RHBDL2: variants seen among roughly 807,000 people sequenced by gnomAD.
RHBDL2 encodes rhomboid like 2.
Under a neutral mutation model 31.7 loss-of-function variants are expected in RHBDL2, and 26 were observed. The observed-to-expected ratio is 0.82, with a 90% CI of 0.60 to 1.14. The LOEUF (loss-of-function observed/expected upper bound fraction) is 1.14, where lower values mean the gene tolerates loss of function less well. Among genes scored for constraint, RHBDL2 ranks in the 50% most tolerant of loss-of-function variants. The pLI is 0.00. For missense variants in RHBDL2, 336 were observed against 364.4 expected (o/e 0.92, Z 0.63); for synonymous variants, 123 against 127.2 (o/e 0.97, Z 0.22).
At chr1:38,918,240 A>C (rs931626250) in intron 2 of RHBDL2, among the ~76,000 whole-genome samples, 1 of 152,220 alleles carries the variant, frequency 6.6e-6, no homozygotes, top group African/African-American at 2.4e-5. Flanking sequence ...AAGCTGAGGC[A>C]TCAGTGCATC....
chr1:38,904,888 G>A lies in RHBDL2; in HGVS notation c.508+6434C>T, dbSNP rs911805116. 1.3e-4 allele frequency among the ~76,000 whole-genome samples: 20 copies of A among 148,960 alleles called. 1 individual carries two copies. In the South Asian group the frequency reaches 2.7e-3, roughly 20 times the overall value. On this transcript the variant is annotated intron_variant, in intron 4 of 7. Transcript: ENST00000372990. ...CTACTAAAAATACAAAAAATTAGCC[G>A]GGCGTGGTAGCGGGCGCCTGTAGTC... is the stretch of plus-strand genomic sequence containing the variant.
intron 7 of RHBDL2, 108 bp from the exon 8 acceptor site, chr1:38,886,791 G>A (rs961944584): frequency 1.0e-5 from 9 of 871,428 alleles, no homozygotes; most frequent in Non-Finnish European, 1.5e-5. Context: ...TTAAACAAGA[G>A]TCTTAAAGGT....
intron 5 of RHBDL2, among the ~76,000 whole-genome samples, chr1:38,895,431 G>A (rs1365723626): frequency 2.6e-5 from 4 of 152,174 alleles, no homozygotes; most frequent in Non-Finnish European, 5.9e-5. Context: ...ATACTATATT[G>A]AGGACCTTAA....
rs184303109 is a variant in RHBDL2, at chr1:38,928,777, T to C, written c.-125-9440A>G. 1.2e-4 allele frequency among the ~76,000 whole-genome samples: 18 copies of C among 152,114 alleles called. No homozygotes were observed. The East Asian group carries it at 3.5e-3, about 30-fold the overall frequency. Reference sequence around the variant, plus strand: ...AAAAAAAATTTTAAATAAAAAATAATGGGCCAGGCATGGTGGCTCATGCCT... The same window carrying C: ...AAAAAAAATTTTAAATAAAAAATAACGGGCCAGGCATGGTGGCTCATGCCT... On this transcript the variant is annotated intron_variant, in intron 1 of 7. Coordinates refer to ENST00000372990, the MANE Select transcript of RHBDL2 (RefSeq NM_017821.5).
intron 6 of RHBDL2, among the ~76,000 whole-genome samples, chr1:38,889,239 A>G (rs778211007): frequency 6.6e-6 from 1 of 152,088 alleles, no homozygotes; most frequent in Non-Finnish European, 1.5e-5. Flanking sequence ...GATTACAGAC[A>G]TGTGCCACTA....
chr1:38,919,306 T>C lies in RHBDL2; in HGVS notation c.-94A>G. 2 of 1,606,142 alleles carry C rather than the reference T, an allele frequency of 1.2e-6. No individual in the cohort carries two copies. Among genetic ancestry groups the C allele is most frequent in the Non-Finnish European group, 1.7e-6 (2 of 1,177,992 alleles). ...CAGGCTGCCGCTCTTCCCTGGGCTG[T>C]CTGGCGCAACGACTGCTTTCCAAGG... On this transcript the variant is annotated 5_prime_UTR_variant, in exon 2 of 8. Transcript: ENST00000372990.
chr1:38,916,970 G>A (rs1379038631), intron 2 of RHBDL2, among the ~76,000 whole-genome samples: 1 of 150,802 alleles, frequency 6.6e-6, no homozygotes, highest in Non-Finnish European at 1.5e-5. Context: ...TGGAAATGTA[G>A]GATATAAACA....
chr1:38,920,857 C>T lies in RHBDL2; in HGVS notation c.-125-1520G>A, dbSNP rs1294598303. Among the ~76,000 whole-genome samples, 15 of 151,474 alleles carry T rather than the reference C, an allele frequency of 9.9e-5. 1 individual carries two copies. Among genetic ancestry groups the T allele is most frequent in the African/African-American group, 1.9e-4 (8 of 41,238 alleles). ...GTCTCGATCTCCTGACCTCGTGATC[C>T]GCCCGCCTCGGCCTCCCAAAGTGCT... On this transcript the variant is annotated intron_variant, in intron 1 of 7. Coordinates refer to ENST00000372990, the MANE Select transcript of RHBDL2 (RefSeq NM_017821.5).
At chr1:38,901,237 C>T (rs1642984506) in intron 4 of RHBDL2, among the ~76,000 whole-genome samples, 1 of 150,998 alleles carries the variant, frequency 6.6e-6, no homozygotes, top group Non-Finnish European at 1.5e-5. Flanking sequence ...ACAAGGCAGG[C>T]AGATCTCCTG....
At chr1:38,912,883 C>CAT (rs141150431) in intron 3 of RHBDL2, among the ~76,000 whole-genome samples, 2,937 of 106,208 alleles carry the variant, frequency 0.028, 91 homozygotes, top group African/African-American at 0.062. Context: ...TACCATATAC[C>CAT]ATATATATAT....
chr1:38,928,441 CATGTT>C (rs78361095), intron 1 of RHBDL2, among the ~76,000 whole-genome samples: 135,901 of 151,070 alleles, frequency 0.9, 61,833 homozygotes, highest in African/African-American at 0.95. Flanking sequence ...GGCGCCCGGC[CATGTT>C]TTGTTTTGTT....
At chr1:38,910,970 G>A (rs1276903555) in intron 4 of RHBDL2, among the ~76,000 whole-genome samples, 11 of 151,430 alleles carry the variant, frequency 7.3e-5, no homozygotes, top group Admixed American at 7.2e-4. Flanking sequence ...GTGGAGAGAG[G>A]GTTTCACCAT....
At chr1:38,891,884 C>T (rs780147736) in intron 6 of RHBDL2, among the ~76,000 whole-genome samples, 2 of 152,192 alleles carry the variant, frequency 1.3e-5, no homozygotes, top group South Asian at 4.1e-4. Flanking sequence ...GCTTTCAGGT[C>T]TGACCCCAGG....
intron 1 of RHBDL2, among the ~76,000 whole-genome samples, chr1:38,934,507 A>C (rs955260545): frequency 6.6e-6 from 1 of 151,120 alleles, no homozygotes; most frequent in East Asian, 1.9e-4. Flanking sequence ...ATACAAAAAA[A>C]TTAGCCAGGA....
At chr1:38,889,977 T>TTCATTTAG (rs2124299541) in intron 6 of RHBDL2, among the ~76,000 whole-genome samples, 1 of 152,358 alleles carries the variant, frequency 6.6e-6, no homozygotes, top group African/African-American at 2.4e-5. Context: ...ATATTCAATA[T>TTCATTTAG]TCATTTAGTT....
chr1:38,935,052 C>G (rs1467080085), intron 1 of RHBDL2, among the ~76,000 whole-genome samples: 1 of 152,002 alleles, frequency 6.6e-6, no homozygotes, highest in Admixed American at 6.6e-5. Flanking sequence ...AAAATCGGCT[C>G]CAAGATCAAA....
intron 4 of RHBDL2, among the ~76,000 whole-genome samples, chr1:38,907,722 C>A (rs555242846): frequency 7.5e-4 from 114 of 152,236 alleles, no homozygotes; most frequent in African/African-American, 2.7e-3. Flanking sequence ...CCTAGGCAAC[C>A]AAGTGAGACC....
At chr1:38,920,199 G>C (rs1462671004) in intron 1 of RHBDL2, among the ~76,000 whole-genome samples, 1 of 112,816 alleles carries the variant, frequency 8.9e-6, no homozygotes, top group Non-Finnish European at 1.6e-5. Context: ...ATGTAGTCTC[G>C]CTCTGTCACC....
chr1:38,938,420 ATTTC>A (rs1375529232), intron 1 of RHBDL2, among the ~76,000 whole-genome samples: 5 of 151,860 alleles, frequency 3.3e-5, no homozygotes, highest in Non-Finnish European at 7.4e-5. Context: ...ATCCACCTTC[ATTTC>A]TTTCCATTTC....
Sources: allele counts gnomAD v4.1 joint callset (sites outside exome capture counted in the v4.1 genomes callset), GRCh38; gene constraint gnomAD v4.1.1; transcripts MANE v1.5; gene names NCBI Gene and HGNC (gene_info 2026-07-23, HGNC 2026-07-21).